Variants in EDIL3 observed in about 807,000 individuals in gnomAD.
The protein encoded by EDIL3 is EGF-like repeat and discoidin I-like domain-containing protein 3.
EDIL3 carries 37 observed loss-of-function variants against 67.4 expected under a neutral mutation model. The ratio of observed to expected loss-of-function variants is 0.55; its 90% CI spans 0.42 to 0.72. The LOEUF (loss-of-function observed/expected upper bound fraction) is 0.72. EDIL3 is among the 30% of genes least tolerant of loss of function. EDIL3 has a pLI of 0.00. For missense variants in EDIL3, 527 were observed against 586.3 expected, an observed-to-expected ratio of 0.90 and a Z score of 1.04; for synonymous variants, 195 against 196.3, an observed-to-expected ratio of 0.99 and a Z score of 0.05.
At chr5:84,075,134 G>A (rs1385131480) in intron 6 of EDIL3, among the ~76,000 whole-genome samples, 1 of 151,672 alleles carries the variant, frequency 6.6e-6, no homozygotes, top group East Asian at 2.0e-4. Flanking sequence ...TCACTCATAG[G>A]TGGGAATTGA....
intron 6 of EDIL3, among the ~76,000 whole-genome samples, chr5:84,069,684 G>T (rs1746701602): frequency 1.3e-5 from 2 of 152,146 alleles, no homozygotes; most frequent in Admixed American, 1.3e-4. Flanking sequence ...ACGATATGGG[G>T]TGGCGACAGG....
intron 3 of EDIL3, among the ~76,000 whole-genome samples, chr5:84,206,511 A>G (rs1339015611): frequency 2.0e-5 from 3 of 152,140 alleles, no homozygotes; most frequent in African/African-American, 7.2e-5. Context: ...ATTCCAATCA[A>G]TAGAAAAAGA....
At chr5:84,105,740 G>T (rs1005880737) in intron 6 of EDIL3, among the ~76,000 whole-genome samples, 2 of 6,562 alleles carry the variant, frequency 3.0e-4, no homozygotes, top group African/African-American at 2.6e-3. Context: ...CTCTAGTCAT[G>T]ATTTTCTACA....
At chr5:84,121,774 T>A (rs1747780241) in intron 5 of EDIL3, among the ~76,000 whole-genome samples, 1 of 152,016 alleles carries the variant, frequency 6.6e-6, no homozygotes, top group African/African-American at 2.4e-5. Flanking sequence ...CCAAACAGAG[T>A]TATTTGTGCC....
intron 2 of EDIL3, among the ~76,000 whole-genome samples, chr5:84,237,418 G>A (rs1165323968): frequency 6.6e-6 from 1 of 152,040 alleles, no homozygotes; most frequent in Non-Finnish European, 1.5e-5. Flanking sequence ...TTGGTACAAT[G>A]GGTTAAGGTT....
At chr5:84,132,308 T>C (rs1747984350) in intron 5 of EDIL3, among the ~76,000 whole-genome samples, 2 of 107,992 alleles carry the variant, frequency 1.9e-5, no homozygotes, top group East Asian at 4.8e-4. Flanking sequence ...ATATATAATA[T>C]ATATTATATA....
At chr5:84,198,090 G>C (rs943618247) in intron 3 of EDIL3, among the ~76,000 whole-genome samples, 7 of 152,030 alleles carry the variant, frequency 4.6e-5, no homozygotes, top group African/African-American at 1.7e-4. Context: ...AGGACTTGTA[G>C]ATAGTGTTAA....
chr5:84,112,773 A>T (rs348896), intron 5 of EDIL3, among the ~76,000 whole-genome samples: 1 of 152,000 alleles, frequency 6.6e-6, no homozygotes, highest in Non-Finnish European at 1.5e-5. Flanking sequence ...CAAAGATTAT[A>T]TTCCTCACAG....
intron 6 of EDIL3, among the ~76,000 whole-genome samples, chr5:84,074,406 C>T (rs1162798697): frequency 6.6e-6 from 1 of 152,170 alleles, no homozygotes; most frequent in Non-Finnish European, 1.5e-5. Flanking sequence ...TCAGAGTGAA[C>T]ATTCAACCCA....
At chr5:83,980,636 T>C (rs1744954167) in intron 9 of EDIL3, among the ~76,000 whole-genome samples, 2 of 149,630 alleles carry the variant, frequency 1.3e-5, no homozygotes, top group South Asian at 2.1e-4. Flanking sequence ...TAAAGTGAGC[T>C]GAGATTGCGC....
At chr5:84,246,867 G>C (rs914244607) in intron 2 of EDIL3, among the ~76,000 whole-genome samples, 1 of 151,984 alleles carries the variant, frequency 6.6e-6, no homozygotes, top group South Asian at 2.1e-4. Flanking sequence ...AGTTTATATG[G>C]TATGTTACAG....
intron 3 of EDIL3, among the ~76,000 whole-genome samples, chr5:84,220,664 T>C (rs567419167): frequency 6.6e-6 from 1 of 152,186 alleles, no homozygotes; most frequent in Non-Finnish European, 1.5e-5. Flanking sequence ...CTCATTTTTG[T>C]TCATGTATCA....
intron 4 of EDIL3, among the ~76,000 whole-genome samples, chr5:84,140,551 G>T (rs1748170741): frequency 6.6e-6 from 1 of 151,980 alleles, no homozygotes. Context: ...TATAATTAAG[G>T]ACATCCGATT....
chr5:83,982,604 A>T (rs781128967), intron 9 of EDIL3, among the ~76,000 whole-genome samples: 7 of 152,100 alleles, frequency 4.6e-5, no homozygotes, highest in South Asian at 2.1e-4. Context: ...TTCTCTTTGT[A>T]GTAGAGTTGA....
intron 4 of EDIL3, among the ~76,000 whole-genome samples, chr5:84,159,283 T>C (rs1748562192): frequency 6.6e-6 from 1 of 152,104 alleles, no homozygotes. Context: ...CAGTCATTGT[T>C]ACAGGTATTT....
At chr5:84,382,477 G>A (rs986403227) in intron 1 of EDIL3, among the ~76,000 whole-genome samples, 5 of 152,108 alleles carry the variant, frequency 3.3e-5, no homozygotes, top group African/African-American at 1.2e-4. Context: ...TCTACCCCGC[G>A]CCGCCCTCCA....
intron 9 of EDIL3, among the ~76,000 whole-genome samples, chr5:84,036,520 G>A (rs1178575855): frequency 2.0e-5 from 3 of 152,144 alleles, no homozygotes; most frequent in Non-Finnish European, 4.4e-5. Flanking sequence ...AAACAGCAAA[G>A]TCAAACCTTT....
chr5:84,170,441 C>T (rs1009368011), intron 4 of EDIL3, among the ~76,000 whole-genome samples: 4 of 152,196 alleles, frequency 2.6e-5, no homozygotes, highest in African/African-American at 7.2e-5. Flanking sequence ...TAGCAGAGAA[C>T]GGAGTAGTCT....
intron 9 of EDIL3, among the ~76,000 whole-genome samples, chr5:84,057,077 G>T (rs1162013185): frequency 1.3e-5 from 2 of 152,036 alleles, no homozygotes; most frequent in African/African-American, 4.8e-5. Flanking sequence ...AAAAGGAAAA[G>T]ATGTCAATTT....
Sources: gnomAD v4.1 joint callset for allele counts (sites outside exome capture counted in the v4.1 genomes callset) on GRCh38, gnomAD v4.1.1 for gene constraint, MANE v1.5 for transcripts, NCBI Gene and HGNC (gene_info 2026-07-23, HGNC 2026-07-21) for gene names.